Variants in MALRD1 observed in about 807,000 individuals in gnomAD.
The protein encoded by MALRD1 is MAM and LDL-receptor class A domain-containing protein 1.
In MALRD1, 247 loss-of-function variants were observed where a neutral mutation model predicts 242.1. The ratio of observed to expected loss-of-function variants is 1.02; its 90% CI spans 0.92 to 1.13. The LOEUF (loss-of-function observed/expected upper bound fraction) is 1.13, where lower values mean the gene tolerates loss of function less well. Among genes scored for constraint, MALRD1 ranks in the 50% most tolerant of loss-of-function variants. The probability of loss-of-function intolerance (pLI) is 0.00; values close to 1 mark genes in which losing one functional copy is unlikely to be tolerated. For missense variants in MALRD1, 2,989 were observed against 2,533.1 expected, an observed-to-expected ratio of 1.18 and a Z score of -3.86; for synonymous variants, 995 against 866.6, an observed-to-expected ratio of 1.15 and a Z score of -2.60.
chr10:19,389,227 A>C (rs1418645398), intron 27 of MALRD1: 1 of 647,614 alleles, frequency 1.5e-6, no homozygotes. Flanking sequence ...CAGATCAGTT[A>C]ATCTGCATAC....
At chr10:19,457,991 T>G (rs1284183081) in intron 29 of MALRD1, among the ~76,000 whole-genome samples, 1 of 152,094 alleles carries the variant, frequency 6.6e-6, no homozygotes, top group Non-Finnish European at 1.5e-5. Flanking sequence ...TTATTTAACT[T>G]GAACCAGACC....
chr10:19,116,726 A>G (rs1836882506), intron 5 of MALRD1, among the ~76,000 whole-genome samples: 1 of 152,224 alleles, frequency 6.6e-6, no homozygotes, highest in Middle Eastern at 3.2e-3. Context: ...CTAATCATGT[A>G]TCACTGATGG....
chr10:19,064,176 C>A (rs1834903928), intron 1 of MALRD1, among the ~76,000 whole-genome samples: 1 of 152,078 alleles, frequency 6.6e-6, no homozygotes, highest in African/African-American at 2.4e-5. Flanking sequence ...ATACGTTGCA[C>A]AAGTTCAAAA....
chr10:19,429,407 T>C (rs970239378), intron 28 of MALRD1, among the ~76,000 whole-genome samples: 1 of 151,576 alleles, frequency 6.6e-6, no homozygotes, highest in African/African-American at 2.4e-5. Flanking sequence ...CTACTAAAAA[T>C]ACAAAAATGA....
intron 26 of MALRD1, among the ~76,000 whole-genome samples, chr10:19,372,810 A>C (rs1345071912): frequency 1.3e-5 from 2 of 152,128 alleles, no homozygotes; most frequent in Non-Finnish European, 2.9e-5. Context: ...TACTTTAATA[A>C]AAATTTAAAT....
chr10:19,382,923 C>G (rs1845899862), intron 26 of MALRD1, among the ~76,000 whole-genome samples: 1 of 152,004 alleles, frequency 6.6e-6, no homozygotes, highest in African/African-American at 2.4e-5. Context: ...ACCTTCAGTA[C>G]CAAAATTCTT....
intron 26 of MALRD1, among the ~76,000 whole-genome samples, chr10:19,364,181 ATGAAATTAAC>A (rs1845018545): frequency 6.6e-6 from 1 of 152,130 alleles, no homozygotes; most frequent in Admixed American, 6.6e-5. Context: ...AGTGTCAAGG[ATGAAATTAAC>A]TGAGGGTGAT....
intron 29 of MALRD1, among the ~76,000 whole-genome samples, chr10:19,474,862 G>C (rs1318132508): frequency 6.6e-6 from 1 of 151,866 alleles, no homozygotes; most frequent in Non-Finnish European, 1.5e-5. Flanking sequence ...GGGTGTAACA[G>C]GGCAGGAAAT....
chr10:19,396,385 C>G (rs933278989), intron 28 of MALRD1, among the ~76,000 whole-genome samples: 6 of 152,044 alleles, frequency 3.9e-5, no homozygotes, highest in African/African-American at 1.4e-4. Context: ...ATTCTCCTGT[C>G]TCGGCCTTCC....
chr10:19,493,056 A>C (rs1837559643), intron 30 of MALRD1, among the ~76,000 whole-genome samples: 1 of 152,242 alleles, frequency 6.6e-6, no homozygotes, highest in Non-Finnish European at 1.5e-5. Flanking sequence ...ATTTAATGGC[A>C]TTAAGTACAT....
At chr10:19,119,809 T>A (rs917077414) in intron 5 of MALRD1, among the ~76,000 whole-genome samples, 2 of 152,216 alleles carry the variant, frequency 1.3e-5, no homozygotes, top group Non-Finnish European at 2.9e-5. Context: ...TTACCATCCT[T>A]GTTTAAACTA....
intron 18 of MALRD1, among the ~76,000 whole-genome samples, chr10:19,256,739 G>A (rs1228935665): frequency 2.5e-4 from 38 of 152,080 alleles, no homozygotes; most frequent in Admixed American, 2.5e-3. Flanking sequence ...CTTTCATAAG[G>A]AGAATGTCAA....
At chr10:19,597,365 G>A (rs1554810000) in intron 34 of MALRD1, among the ~76,000 whole-genome samples, 1 of 152,152 alleles carries the variant, frequency 6.6e-6, no homozygotes, top group Non-Finnish European at 1.5e-5. Context: ...ATAATGCTAA[G>A]CATTCATTGG....
intron 18 of MALRD1, among the ~76,000 whole-genome samples, chr10:19,221,942 G>T (rs1238752343): frequency 2.6e-5 from 4 of 152,070 alleles, no homozygotes; most frequent in Non-Finnish European, 5.9e-5. Context: ...TTGTGGAAAT[G>T]AAATTTTTTA....
chr10:19,370,636 G>T (rs1488794770), intron 26 of MALRD1, among the ~76,000 whole-genome samples: 1 of 152,034 alleles, frequency 6.6e-6, no homozygotes, highest in Non-Finnish European at 1.5e-5. Context: ...TTACTGCAGT[G>T]GTGTAAACTC....
chr10:19,327,323 C>G (rs773488730), intron 22 of MALRD1, among the ~76,000 whole-genome samples: 5 of 151,880 alleles, frequency 3.3e-5, no homozygotes, highest in Non-Finnish European at 7.4e-5. Context: ...GCCCAGATAC[C>G]TTAGGACTTG....
intron 18 of MALRD1, among the ~76,000 whole-genome samples, chr10:19,230,700 A>C (rs1838013703): frequency 1.3e-5 from 2 of 152,152 alleles, no homozygotes; most frequent in Non-Finnish European, 2.9e-5. Flanking sequence ...GTTCTGGGAA[A>C]AGGGAGAGAG....
intron 32 of MALRD1, among the ~76,000 whole-genome samples, chr10:19,534,941 A>C (rs1834592022): frequency 6.6e-6 from 1 of 152,038 alleles, no homozygotes; most frequent in Non-Finnish European, 1.5e-5. Context: ...ACTGGAGTGC[A>C]GTGGCGCGAT....
intron 18 of MALRD1, among the ~76,000 whole-genome samples, chr10:19,232,620 T>G (rs952673528): frequency 1.3e-5 from 2 of 152,202 alleles, no homozygotes; most frequent in Admixed American, 6.5e-5. Flanking sequence ...AGCTGAAATG[T>G]CTTGTTGTGG....
Sources: gnomAD v4.1 joint callset for allele counts (sites outside exome capture counted in the v4.1 genomes callset) on GRCh38, gnomAD v4.1.1 for gene constraint, MANE v1.5 for transcripts, NCBI Gene and HGNC (gene_info 2026-07-23, HGNC 2026-07-21) for gene names.